ETNK2: variants seen among roughly 807,000 people sequenced by gnomAD.
ETNK2 encodes ethanolamine kinase 2.
A neutral mutation model predicts 46.2 loss-of-function variants in ETNK2; 33 were observed. The ratio of observed to expected loss-of-function variants is 0.71; its 90% CI spans 0.54 to 0.96. The LOEUF is 0.96. Among genes scored for constraint, ETNK2 ranks in the 40% least tolerant of loss-of-function variants. ETNK2 has a pLI of 0.00. For missense variants in ETNK2, 445 were observed against 509.7 expected (o/e 0.87, Z 1.22); for synonymous variants, 194 against 209.0 (o/e 0.93, Z 0.62).
intron 7 of ETNK2, among the ~76,000 whole-genome samples, chr1:204,133,684 A>G (rs1657166777): frequency 6.6e-6 from 1 of 151,678 alleles, no homozygotes; most frequent in African/African-American, 2.4e-5. Flanking sequence ...GGCGCCCGCC[A>G]CCACGCCCGG....
chr1:204,137,304 T>A, intron 5 of ETNK2, 55 bp from the exon 6 acceptor site: 4 of 1,585,488 alleles, frequency 2.5e-6, no homozygotes, highest in Non-Finnish European at 3.4e-6. Context: ...ACCAAGGGTC[T>A]CCTCAAGCTC....
In ETNK2 at chr1:204,151,710, G is replaced by C; in HGVS notation, c.143C>G (p.Ala48Gly). Residue 48 changes from alanine (A) to glycine (G), a missense_variant, in exon 1 of 8, where the codon GCC becomes GGC. Coordinates refer to ENST00000367202, the MANE Select transcript of ETNK2 (RefSeq NM_018208.4). This position sits in a 1 kb window ranked among gnomAD's most constrained non-coding sequence, Gnocchi z 8.0. The part of the protein sequence containing the change: ...SCREPPGPPR[A>G]AAVAYFGISV... The stretch of plus-strand genomic sequence containing the variant: ...AATGCCGAAGTACGCGACGGCGGCG[G>C]CCCTCGGGGGGCCCGGCGGCTCCCG... 6.5e-7 allele frequency: 1 copy of C among 1,543,482 alleles called. No homozygotes were observed. The highest frequency in any genetic ancestry group is 8.7e-7 in the Non-Finnish European group (1 of 1,144,218).
intron 3 of ETNK2, among the ~76,000 whole-genome samples, chr1:204,144,220 C>T (rs1004045669): frequency 6.6e-6 from 1 of 151,668 alleles, no homozygotes; most frequent in South Asian, 2.1e-4. Flanking sequence ...GTGGTGGGCA[C>T]CAGTAATCCC....
rs1657315312 is a variant in ETNK2 at position 204,137,122 on chromosome 1, T to C, written c.996A>G (p.Gln332=). The change falls in exon 6 of 8, where the codon CAA becomes CAG. Residue 332 remains glutamine, a synonymous_variant. Coordinates refer to ENST00000367202, the MANE Select transcript of ETNK2 (RefSeq NM_018208.4). ...CACTCACCAGGGCAAACTTGTTGAC[T>C]TGCACGTAGAGCCTTTGCACCTCCC... is the stretch of plus-strand genomic sequence containing the variant. ...TPREVQRLYV[Q]VNKFALASHF... 1 of 1,613,874 alleles carries C rather than the reference T, an allele frequency of 6.2e-7. No homozygotes were observed. The highest frequency in any genetic ancestry group is 1.1e-5 in the South Asian group (1 of 91,070).
intron 2 of ETNK2, chr1:204,147,505 C>T (rs1657836203): frequency 1.9e-6 from 1 of 533,236 alleles, no homozygotes; most frequent in African/African-American, 1.9e-5. Context: ...CGCCCGAGGC[C>T]CTGTGTCCCA....
Position 204,134,412 on chromosome 1 carries a change from G to A in ETNK2, c.1088+103C>T. On this transcript the variant is annotated intron_variant, in intron 7 of 7. Coordinates refer to ENST00000367202, the MANE Select transcript of ETNK2 (RefSeq NM_018208.4). Reference sequence around the variant, plus strand: ...ACGGGGGCGAGTCAGCAGAGCAGGGGAGCGGACTCTGGGCATTCTGCCTGG... The same window carrying A: ...ACGGGGGCGAGTCAGCAGAGCAGGGAAGCGGACTCTGGGCATTCTGCCTGG... The A allele has an allele frequency of 4.6e-6, 6 of 1,307,832 alleles. No individual in the cohort carries two copies. The South Asian group carries it at 6.6e-5, about 14-fold the overall frequency. 81.0% of individuals were successfully genotyped at this position (1,307,832 alleles called of 1,614,324 possible). A position where few individuals can be genotyped will look rare whatever the true frequency, so the allele number is the denominator to read the frequency against.
rs1344435233 is a variant in ETNK2 at position 204,141,566 on chromosome 1, G to A, written c.642-109C>T. 1.4e-5 allele frequency: 18 copies of A among 1,298,804 alleles called. No individual in the cohort carries two copies. In the Middle Eastern group the frequency reaches 8.0e-4, roughly 58 times the overall value. 80.5% of individuals were successfully genotyped at this position (1,298,804 alleles called of 1,614,324 possible). On this transcript the variant is annotated intron_variant, in intron 3 of 7. Transcript: ENST00000367202. ...ATCACTCCCTCTGTCTTACTGCAGG[G>A]GGCCTTGGAAAAATGGCCAATCTCT...
intron 3 of ETNK2, 35 bp downstream of exon 3, chr1:204,146,607 T>G (rs752437719): frequency 1.0e-4 from 164 of 1,612,702 alleles, no homozygotes; most frequent in Admixed American, 2.5e-4. Context: ...GGAGATCATA[T>G]TAAGGCAGCC....
At chr1:204,147,924 G>A (rs1657855434) in intron 2 of ETNK2, among the ~76,000 whole-genome samples, 1 of 152,258 alleles carries the variant, frequency 6.6e-6, no homozygotes, top group South Asian at 2.1e-4. Flanking sequence ...GTTTGGGCAA[G>A]GCAGGGAAAC....
chr1:204,134,395 G>T, intron 7 of ETNK2, 120 bp downstream of exon 7: 1 of 1,122,544 alleles, frequency 8.9e-7, no homozygotes, highest in Non-Finnish European at 1.3e-6. Flanking sequence ...GAACGGGGGC[G>T]AGTCAGCAGA....
intron 6 of ETNK2, among the ~76,000 whole-genome samples, chr1:204,135,556 C>A (rs752611768): frequency 1.3e-5 from 2 of 152,192 alleles, no homozygotes; most frequent in African/African-American, 2.4e-5. Context: ...CCATTCCCAC[C>A]CCATCCCAGA....
chr1:204,141,468 GC>G lies in ETNK2; in HGVS notation c.642-12del, dbSNP rs767389208. Reference sequence around the variant, plus strand: ...ACATCTGCAGAAAGGCTGGGCAGTGGCAAAAAAGGTAGCCAGTGAAAGGAGG... The same window carrying G: ...ACATCTGCAGAAAGGCTGGGCAGTGGAAAAAAGGTAGCCAGTGAAAGGAGG... On this transcript the variant is annotated splice_polypyrimidine_tract_variant and intron_variant, in intron 3 of 7. Transcript: ENST00000367202. 1.9e-6 allele frequency: 3 copies of G among 1,567,152 alleles called. No homozygotes were observed. Among genetic ancestry groups the G allele is most frequent in the Non-Finnish European group, 2.6e-6 (3 of 1,156,642 alleles).
intron 2 of ETNK2, chr1:204,147,677 C>G: frequency 2.2e-6 from 1 of 447,402 alleles, no homozygotes. Context: ...CTGTTTGAAA[C>G]CTTGTTACCA....
chr1:204,146,478 G>A (rs1657785035), intron 3 of ETNK2, among the ~76,000 whole-genome samples, 164 bp downstream of exon 3: 1 of 152,150 alleles, frequency 6.6e-6, no homozygotes, highest in African/African-American at 2.4e-5. Context: ...TCTGCTTGGA[G>A]ACAGAGGCTT....
At chr1:204,149,668 A>C (rs2102304233) in intron 2 of ETNK2, 35 bp downstream of exon 2, 2 of 1,544,374 alleles carry the variant, frequency 1.3e-6, no homozygotes, top group East Asian at 4.8e-5. Context: ...AGGCCTGAAG[A>C]ATAGTAGAGA....
chr1:204,140,282 TCATC>T (rs60488986), intron 4 of ETNK2, among the ~76,000 whole-genome samples, 164 bp from the exon 5 acceptor site: 53,484 of 146,012 alleles, frequency 0.37, 9,747 homozygotes, highest in East Asian at 0.47. Flanking sequence ...CTACTTCCAT[TCATC>T]CATCCATCCA....
chr1:204,134,381 G>T, intron 7 of ETNK2, 134 bp downstream of exon 7: 1 of 970,136 alleles, frequency 1.0e-6, no homozygotes, highest in Non-Finnish European at 1.5e-6. Context: ...CTGGAGATGA[G>T]CTGGAACGGG....
chr1:204,151,734 C>A lies in ETNK2; in HGVS notation c.119G>T (p.Arg40Leu). 8 of 1,533,746 alleles carry A rather than the reference C, an allele frequency of 5.2e-6. No homozygotes were observed. Among genetic ancestry groups the A allele is most frequent in the Non-Finnish European group, 7.0e-6 (8 of 1,141,084 alleles). Residue 40 changes from arginine (R) to leucine (L), a missense_variant, in exon 1 of 8, where the codon CGG becomes CTG. Arg to Leu is a moderately radical substitution (Grantham distance 102, BLOSUM62 -2). Coordinates refer to ENST00000367202, the MANE Select transcript of ETNK2 (RefSeq NM_018208.4). This position sits in a 1 kb window ranked among gnomAD's most constrained non-coding sequence, Gnocchi z 8.0. ...GGCCCTCGGGGGGCCCGGCGGCTCC[C>A]GGCAGCTGGCGCTGGCCGCCGCCTT... Reference protein sequence around the residue: ...EEKAAASASCREPPGPPRAAA... With the variant: ...EEKAAASASCLEPPGPPRAAA...
chr1:204,144,792 C>T (rs544517003), intron 3 of ETNK2, among the ~76,000 whole-genome samples: 18 of 152,250 alleles, frequency 1.2e-4, no homozygotes, highest in Non-Finnish European at 1.9e-4. Flanking sequence ...CAGGAGCAAA[C>T]CCTGCTCCAG....
Sources: allele counts gnomAD v4.1 joint callset (sites outside exome capture counted in the v4.1 genomes callset), GRCh38; gene constraint gnomAD v4.1.1; non-coding constraint Gnocchi (gnomAD v3.1); transcripts MANE v1.5; gene names NCBI Gene and HGNC (gene_info 2026-07-23, HGNC 2026-07-21).